DPY19L3: variants seen among roughly 807,000 people sequenced by gnomAD.
DPY19L3 encodes dpy-19 like C-mannosyltransferase 3.
DPY19L3 carries 51 observed loss-of-function variants against 92.3 expected under a neutral mutation model. That is an observed-to-expected ratio of 0.55 (90% confidence interval 0.44 to 0.70). The LOEUF (loss-of-function observed/expected upper bound fraction) is 0.70. DPY19L3 is among the 30% of genes least tolerant of loss of function. The probability of loss-of-function intolerance (pLI) is 0.00; values close to 1 mark genes in which losing one functional copy is unlikely to be tolerated. For synonymous variants in DPY19L3, 309 were observed against 315.2 expected (o/e 0.98, Z 0.21); for missense variants, 706 against 855.9 (o/e 0.82, Z 2.18).
rs1245559241 is a variant in DPY19L3, at chr19:32,405,929, G to A, written c.-38+20G>A. On this transcript the variant is annotated intron_variant, in intron 1 of 18. Coordinates refer to ENST00000392250, the MANE Select transcript of DPY19L3 (RefSeq NM_001172774.2). ...CCGCAGGTCTGTGGCGGCGCGCCGG[G>A]ACGCGCGGGCGAGGGTCTACCGAGA... The A allele has an allele frequency of 2.0e-5, 3 of 151,794 alleles. No homozygotes were observed. Among genetic ancestry groups the A allele is most frequent in the Non-Finnish European group, 2.9e-5 (2 of 67,914 alleles). The allele number at this position is 151,794 out of a possible 1,614,324, so 9.4% of individuals were successfully genotyped here. A position where few individuals can be genotyped will look rare whatever the true frequency, so the allele number is the denominator to read the frequency against.
rs1288304190 is a variant in DPY19L3, at chr19:32,482,862, T to TTGTGTG, written c.*626_*631dup. 1 of 152,388 alleles carries TTGTGTG rather than the reference T, an allele frequency of 6.6e-6. No homozygotes were observed. The highest frequency in any genetic ancestry group is 1.9e-4 in the East Asian group (1 of 5,200). The allele number at this position is 152,388 out of a possible 1,614,324, so 9.4% of individuals were successfully genotyped here. On this transcript the variant is annotated 3_prime_UTR_variant, in exon 19 of 19. Transcript: ENST00000392250. ...GTACTTCAGCAGTATGTGTCATGTA[T>TTGTGTG]TGTGTGTGTCTGTGTGTGTGCATGT...
At chr19:32,463,582 A>C in intron 13 of DPY19L3, 94 bp downstream of exon 13, 1 of 1,402,144 alleles carries the variant, frequency 7.1e-7, no homozygotes, top group Non-Finnish European at 9.8e-7. Context: ...ATCTTCATTA[A>C]TGATCATGGT....
intron 17 of DPY19L3, among the ~76,000 whole-genome samples, chr19:32,479,824 G>A (rs1238215631): frequency 6.6e-6 from 1 of 152,192 alleles, no homozygotes; most frequent in African/African-American, 2.4e-5. Context: ...TCACCCCTAG[G>A]ATGGACGAGA....
intron 3 of DPY19L3, among the ~76,000 whole-genome samples, chr19:32,425,782 G>C (rs1433138301): frequency 1.3e-5 from 2 of 152,048 alleles, no homozygotes; most frequent in South Asian, 2.1e-4. Context: ...TCCAGGTTTT[G>C]TTGTCCATCT....
intron 8 of DPY19L3, among the ~76,000 whole-genome samples, chr19:32,444,781 C>T (rs1969432405): frequency 6.6e-6 from 1 of 151,412 alleles, no homozygotes. Flanking sequence ...ACAGTGAATT[C>T]CTCATCAAAA....
In DPY19L3 at chr19:32,484,910, A is replaced by G. The variant is rs911605266; in HGVS notation, c.*2670A>G. The G allele has an allele frequency of 5.3e-5, 8 of 152,364 alleles. No individual in the cohort carries two copies. The highest frequency in any genetic ancestry group is 1.9e-4 in the African/African-American group (8 of 41,582). 9.4% of individuals were successfully genotyped at this position (152,364 alleles called of 1,614,324 possible). The stretch of plus-strand genomic sequence containing the variant: ...TTTTAAATTAGGTGTGGCTGGGAAT[A>G]TTATAAGATATTGGGGAAAATATAC... On this transcript the variant is annotated 3_prime_UTR_variant, in exon 19 of 19. Coordinates refer to ENST00000392250, the MANE Select transcript of DPY19L3 (RefSeq NM_001172774.2).
At chr19:32,426,452 C>G (rs1056163267) in intron 3 of DPY19L3, among the ~76,000 whole-genome samples, 1 of 152,316 alleles carries the variant, frequency 6.6e-6, no homozygotes, top group African/African-American at 2.4e-5. Flanking sequence ...TTTGGTCTCT[C>G]TCAACTTTCG....
At chr19:32,434,760 G>A (rs967005085) in intron 4 of DPY19L3, among the ~76,000 whole-genome samples, 2 of 152,254 alleles carry the variant, frequency 1.3e-5, no homozygotes, top group Admixed American at 6.5e-5. Flanking sequence ...GAAGTCTGAG[G>A]TTAGGGAGCC....
chr19:32,444,034 CA>C (rs61073758), intron 8 of DPY19L3, among the ~76,000 whole-genome samples: 94,298 of 129,742 alleles, frequency 0.73, 32,932 homozygotes, highest in African/African-American at 0.82. Context: ...GACTCTGTCT[CA>C]AAAAAAAAAA....
Position 32,480,437 on chromosome 19 carries a change from G to A in DPY19L3, c.1869G>A (p.Val623=). The A allele has an allele frequency of 6.2e-7, 1 of 1,613,928 alleles. No homozygotes were observed. Residue 623 remains valine, a synonymous_variant, in exon 18 of 19, where the codon GTG becomes GTA. Coordinates refer to ENST00000392250, the MANE Select transcript of DPY19L3 (RefSeq NM_001172774.2). ...ATGCCAAGAGGGCACCAGAGGAAGTGCATGCCCTCCTAAGGTCCTTCGGCA... is the reference window on the plus strand; with the variant it reads ...ATGCCAAGAGGGCACCAGAGGAAGTACATGCCCTCCTAAGGTCCTTCGGCA... The part of the protein sequence containing the change: ...QIYAKRAPEE[V]HALLRSFGTD...
intron 3 of DPY19L3, among the ~76,000 whole-genome samples, chr19:32,428,726 A>T (rs1228262569): frequency 6.6e-6 from 1 of 152,080 alleles, no homozygotes; most frequent in Non-Finnish European, 1.5e-5. Flanking sequence ...GCCTGTGGGG[A>T]ATGTGATCAT....
chr19:32,468,743 A>G lies in DPY19L3; in HGVS notation c.1627A>G (p.Met543Val). Reference protein sequence around the residue: ...LYLCYKFWPGMMDELSELREF... With the variant: ...LYLCYKFWPGVMDELSELREF... ...TTTTTAATTTCAGTTCTGGCCAGGA[A>G]TGATGGATGAACTCTCCGAGTTGAG... Residue 543 changes from methionine (M) to valine (V), a missense_variant, in exon 16 of 19, where the codon ATG (methionine) becomes GTG (valine). By Grantham distance (21) the Met-to-Val change is conservative. Transcript: ENST00000392250. 6.2e-7 allele frequency: 1 copy of G among 1,613,964 alleles called. No homozygotes were observed. Among genetic ancestry groups the G allele is most frequent in the Non-Finnish European group, 8.5e-7 (1 of 1,179,934 alleles).
chr19:32,461,756 C>T (rs1970047334), intron 12 of DPY19L3, among the ~76,000 whole-genome samples: 1 of 152,170 alleles, frequency 6.6e-6, no homozygotes, highest in South Asian at 2.1e-4. Flanking sequence ...ATGAAGGGAT[C>T]AGTAGACCTT....
At position 32,483,103 on chromosome 19, in the gene DPY19L3, CT is replaced by C. The variant is rs1198441542; in HGVS notation, c.*868del. Reference sequence around the variant, plus strand: ...TATTGGGTTTGCAAAATTTTGTAAACTTTTTGTGTTTTTAGCCTTTGTATTT... The same window carrying C: ...TATTGGGTTTGCAAAATTTTGTAAACTTTTGTGTTTTTAGCCTTTGTATTT... On this transcript the variant is annotated 3_prime_UTR_variant, in exon 19 of 19. Transcript: ENST00000392250. The C allele has an allele frequency of 2.0e-5, 3 of 152,058 alleles. No individual in the cohort carries two copies. The highest frequency in any genetic ancestry group is 4.4e-5 in the Non-Finnish European group (3 of 67,996). The allele number at this position is 152,058 out of a possible 1,614,324, so 9.4% of individuals were successfully genotyped here.
chr19:32,432,704 ACT>A lies in DPY19L3; in HGVS notation c.238-9_238-8del. Reference sequence around the variant, plus strand: ...AGGTCACATAAACCCATAGGATCTAACTCTGTTTTAGGAAGTGGAGCGAGAAA... The same window carrying A: ...AGGTCACATAAACCCATAGGATCTAACTGTTTTAGGAAGTGGAGCGAGAAA... On this transcript the variant is annotated splice_polypyrimidine_tract_variant and intron_variant, in intron 3 of 18. Transcript: ENST00000392250. 1 of 1,612,370 alleles carries A rather than the reference ACT, an allele frequency of 6.2e-7. No individual in the cohort carries two copies. The highest frequency in any genetic ancestry group is 8.5e-7 in the Non-Finnish European group (1 of 1,178,722).
chr19:32,445,795 G>A (rs1969479982), intron 8 of DPY19L3, among the ~76,000 whole-genome samples: 1 of 152,170 alleles, frequency 6.6e-6, no homozygotes, highest in South Asian at 2.1e-4. Context: ...GAGGTTAGGA[G>A]TTCGAGACCA....
chr19:32,468,588 G>A (rs2145613151), intron 15 of DPY19L3, 143 bp from the exon 16 acceptor site: 2 of 1,355,744 alleles, frequency 1.5e-6, no homozygotes, highest in Non-Finnish European at 9.5e-7. Context: ...TTGCTGCAGA[G>A]GTGAAATAGT....
chr19:32,435,278 T>A (rs1969101396), intron 4 of DPY19L3, among the ~76,000 whole-genome samples: 1 of 152,204 alleles, frequency 6.6e-6, no homozygotes, highest in Admixed American at 6.5e-5. Context: ...GTAGGCCCTG[T>A]CTCCAAGAAC....
chr19:32,461,395 G>T (rs1425048958), intron 12 of DPY19L3, among the ~76,000 whole-genome samples: 1 of 152,246 alleles, frequency 6.6e-6, no homozygotes, highest in Non-Finnish European at 1.5e-5. Context: ...TTCCAGCTTG[G>T]CTGGGCTATG....
Sources: gnomAD v4.1 joint callset for allele counts (sites outside exome capture counted in the v4.1 genomes callset) on GRCh38, gnomAD v4.1.1 for gene constraint, MANE v1.5 for transcripts, NCBI Gene and HGNC (gene_info 2026-07-23, HGNC 2026-07-21) for gene names.